Variants in PLEKHA7 observed in about 807,000 individuals in gnomAD.
PLEKHA7 encodes pleckstrin homology domain containing A7, also known as pleckstrin homology domain-containing family A member 7.
In PLEKHA7, 104 loss-of-function variants were observed where a neutral mutation model predicts 170.0. The ratio of observed to expected loss-of-function variants is 0.61; its 90% confidence interval spans 0.52 to 0.72. PLEKHA7 has a LOEUF of 0.72. PLEKHA7 is among the 30% of genes least tolerant of loss of function. The pLI is 0.00. For missense variants in PLEKHA7, 1,615 were observed against 1,671.7 expected, an observed-to-expected ratio of 0.97 and a Z score of 0.59; for synonymous variants, 648 against 660.8, an observed-to-expected ratio of 0.98 and a Z score of 0.30.
At chr11:16,998,949 A>G (rs1864506285) in intron 3 of PLEKHA7, among the ~76,000 whole-genome samples, 1 of 142,350 alleles carries the variant, frequency 7.0e-6, no homozygotes, top group Non-Finnish European at 1.6e-5. Flanking sequence ...CTCACCATAC[A>G]ATCCCCCACT....
intron 3 of PLEKHA7, among the ~76,000 whole-genome samples, chr11:16,897,892 C>T (rs1377979529): frequency 2.6e-5 from 4 of 152,140 alleles, no homozygotes; most frequent in Admixed American, 2.0e-4. Context: ...AAATGACAAA[C>T]GCTCATTTCA....
chr11:16,947,842 G>A (rs555847527), intron 3 of PLEKHA7, among the ~76,000 whole-genome samples: 74 of 150,600 alleles, frequency 4.9e-4, no homozygotes, highest in Non-Finnish European at 9.0e-4. Flanking sequence ...CTTGAGCCTT[G>A]GAGGCAGAGG....
At chr11:16,967,348 T>C (rs1173268035) in intron 3 of PLEKHA7, among the ~76,000 whole-genome samples, 9 of 152,212 alleles carry the variant, frequency 5.9e-5, no homozygotes, top group Admixed American at 3.9e-4. Context: ...CCACACTCCC[T>C]ACCACTCAGT....
At position 16,790,877 on chromosome 11, in the gene PLEKHA7, C is replaced by T. The variant is rs780319842; in HGVS notation, c.2973G>A (p.Ala991=). The change falls in exon 21 of 27, where the codon GCG becomes GCA. Residue 991 remains alanine (A), a synonymous_variant. Coordinates refer to ENST00000531066, the MANE Select transcript of PLEKHA7 (RefSeq NM_001329630.2). ...LRSYVSEPEL[A]TLSGDMAQPS... is the part of the protein sequence containing the mutation. ...GCTGGGCCATGTCCCCGCTGAGGGT[C>T]GCCAGCTCAGGCTCACTGACATACG... is the stretch of plus-strand genomic sequence containing the variant. 12 of 1,612,096 alleles carry T rather than the reference C, an allele frequency of 7.4e-6. No individual in the cohort carries two copies. Among genetic ancestry groups the T allele is most frequent in the Admixed American group, 3.3e-5 (2 of 59,836 alleles).
At chr11:16,805,802 A>AAAAAAC (rs1261624872) in intron 13 of PLEKHA7, among the ~76,000 whole-genome samples, 6 of 143,156 alleles carry the variant, frequency 4.2e-5, no homozygotes, top group South Asian at 2.2e-4. Flanking sequence ...AAAAAAAAAA[A>AAAAAAC]AAAAACAAAA....
At chr11:16,970,878 T>A (rs576849439) in intron 3 of PLEKHA7, among the ~76,000 whole-genome samples, 1 of 152,332 alleles carries the variant, frequency 6.6e-6, no homozygotes, top group East Asian at 1.9e-4. Flanking sequence ...ACCTACAGGA[T>A]TATAAATATT....
At chr11:16,835,030 G>C (rs1420307018) in intron 9 of PLEKHA7, among the ~76,000 whole-genome samples, 1 of 152,240 alleles carries the variant, frequency 6.6e-6, no homozygotes, top group East Asian at 1.9e-4. Flanking sequence ...AACAATTTGG[G>C]AGGCTGAGGT....
chr11:16,966,689 ATT>A (rs61247613), intron 3 of PLEKHA7, among the ~76,000 whole-genome samples: 5 of 147,132 alleles, frequency 3.4e-5, no homozygotes, highest in African/African-American at 7.4e-5. Flanking sequence ...TTCCATTCGG[ATT>A]TTTTTTTTTT....
intron 3 of PLEKHA7, among the ~76,000 whole-genome samples, chr11:16,908,184 T>C (rs1857978746): frequency 1.3e-5 from 2 of 149,444 alleles, no homozygotes; most frequent in South Asian, 4.2e-4. Flanking sequence ...ACTTATCTGC[T>C]GACCTTCCCT....
At chr11:16,827,947 G>A (rs917547160) in intron 9 of PLEKHA7, among the ~76,000 whole-genome samples, 4 of 151,856 alleles carry the variant, frequency 2.6e-5, no homozygotes, top group African/African-American at 7.3e-5. Context: ...TTTACATTTC[G>A]GTGGCCACAC....
intron 3 of PLEKHA7, among the ~76,000 whole-genome samples, chr11:16,941,782 A>C (rs1373382945): frequency 1.3e-5 from 2 of 152,184 alleles, no homozygotes; most frequent in Admixed American, 1.3e-4. Flanking sequence ...TGTACTTAAA[A>C]CCTTAAAAAA....
At chr11:16,914,753 G>A (rs370540125) in intron 3 of PLEKHA7, among the ~76,000 whole-genome samples, 18 of 152,310 alleles carry the variant, frequency 1.2e-4, no homozygotes, top group East Asian at 1.2e-3. Context: ...CACATGCTCT[G>A]CAACATGGGA....
At chr11:16,897,073 G>A (rs566557821) in intron 3 of PLEKHA7, among the ~76,000 whole-genome samples, 60 of 152,174 alleles carry the variant, frequency 3.9e-4, no homozygotes, top group Middle Eastern at 6.8e-3. Context: ...TATATATAAC[G>A]CCCTGACAGT....
chr11:16,792,592 T>C (rs1847939107), intron 19 of PLEKHA7, among the ~76,000 whole-genome samples: 3 of 151,968 alleles, frequency 2.0e-5, no homozygotes, highest in Admixed American at 2.0e-4. Flanking sequence ...TGGTTACTTC[T>C]GGCAGACAGG....
chr11:16,813,648 T>C (rs916743429), intron 12 of PLEKHA7, among the ~76,000 whole-genome samples: 1 of 152,154 alleles, frequency 6.6e-6, no homozygotes, highest in African/African-American at 2.4e-5. Flanking sequence ...ATGGCCTGGG[T>C]GACCCAGGAG....
chr11:16,825,292 T>C (rs1020196135), intron 10 of PLEKHA7, among the ~76,000 whole-genome samples: 5 of 152,242 alleles, frequency 3.3e-5, no homozygotes, highest in Admixed American at 3.3e-4. Context: ...GAATGAAGTG[T>C]GGCCTTTCAG....
chr11:16,872,812 T>A lies in PLEKHA7; in HGVS notation c.222-1630A>T, dbSNP rs1031770518. Among the ~76,000 whole-genome samples the A allele has an allele frequency of 3.3e-5, 5 of 152,124 alleles. No individual in the cohort carries two copies. The South Asian group carries it at 1.0e-3, about 32-fold the overall frequency. On this transcript the variant is annotated intron_variant, in intron 3 of 26. Coordinates refer to ENST00000531066, the MANE Select transcript of PLEKHA7 (RefSeq NM_001329630.2). ...GGATTATGCCTGGCCAAATGTAATTTTTTTTTTTCATACAACCACTCAGAA... is the reference window on the plus strand; with the variant it reads ...GGATTATGCCTGGCCAAATGTAATTATTTTTTTTCATACAACCACTCAGAA...
At chr11:16,937,299 G>T (rs1215628662) in intron 3 of PLEKHA7, among the ~76,000 whole-genome samples, 1 of 152,180 alleles carries the variant, frequency 6.6e-6, no homozygotes, top group Non-Finnish European at 1.5e-5. Flanking sequence ...CATGTGCCAA[G>T]ATTGTGCTGG....
At chr11:16,824,909 A>T (rs1325736726) in intron 10 of PLEKHA7, among the ~76,000 whole-genome samples, 1 of 152,190 alleles carries the variant, frequency 6.6e-6, no homozygotes, top group Non-Finnish European at 1.5e-5. Flanking sequence ...CACCAAGAAG[A>T]GCAGCTTCCC....
Sources: allele counts gnomAD v4.1 joint callset (sites outside exome capture counted in the v4.1 genomes callset), GRCh38; gene constraint gnomAD v4.1.1; transcripts MANE v1.5; gene names NCBI Gene and HGNC (gene_info 2026-07-23, HGNC 2026-07-21).